Variants in ZZEF1 observed in about 807,000 individuals in gnomAD.
ZZEF1 encodes zinc finger ZZ-type and EF-hand domain containing 1.
ZZEF1 carries 157 observed loss-of-function variants against 342.8 expected under a neutral mutation model. The observed-to-expected ratio is 0.46, with a 90% CI of 0.40 to 0.52. ZZEF1 has a LOEUF of 0.52. Ranked by LOEUF, ZZEF1 falls within the 20% of genes least tolerant of loss-of-function variation. ZZEF1 has a pLI of 0.00. For synonymous variants in ZZEF1, 1,505 were observed against 1,429.1 expected, an observed-to-expected ratio of 1.05 and a Z score of -1.20; for missense variants, 3,480 against 3,725.6, an observed-to-expected ratio of 0.93 and a Z score of 1.72.
chr17:4,094,607 A>G (rs574755086), intron 11 of ZZEF1, among the ~76,000 whole-genome samples: 1 of 152,322 alleles, frequency 6.6e-6, no homozygotes, highest in South Asian at 2.1e-4. Flanking sequence ...ATTCAACAGA[A>G]CAAAATCTGA....
intron 3 of ZZEF1, among the ~76,000 whole-genome samples, chr17:4,116,109 CAGG>C (rs1163462731): frequency 6.6e-6 from 1 of 152,180 alleles, no homozygotes; most frequent in Non-Finnish European, 1.5e-5. Context: ...CATCTGAGGT[CAGG>C]AGTTTAAGAC....
chr17:4,014,267 C>T lies in ZZEF1; in HGVS notation c.8315-79G>A. 6.2e-7 allele frequency: 1 copy of T among 1,610,466 alleles called. No individual in the cohort carries two copies. Among genetic ancestry groups the T allele is most frequent in the Non-Finnish European group, 8.5e-7 (1 of 1,176,860 alleles). The stretch of plus-strand genomic sequence containing the variant: ...AGCAGTGGTGTTGGGTTTCAACATT[C>T]TCCAGTAAGTTCCCTTCTCAATATT... On this transcript the variant is annotated intron_variant, in intron 50 of 54. Coordinates refer to ENST00000381638, the MANE Select transcript of ZZEF1 (RefSeq NM_015113.4). The surrounding 1 kb of genome is among the most constrained non-coding windows in gnomAD (Gnocchi z 4.4).
At chr17:4,033,158 G>A in intron 40 of ZZEF1, 156 bp from the exon 41 acceptor site, 1 of 678,814 alleles carries the variant, frequency 1.5e-6, no homozygotes, top group African/African-American at 1.8e-5. Flanking sequence ...ATAATGGTGA[G>A]TAAAAGAGCA....
At chr17:4,129,057 G>A (rs1023175358) in intron 1 of ZZEF1, among the ~76,000 whole-genome samples, 2 of 152,000 alleles carry the variant, frequency 1.3e-5, no homozygotes, top group Admixed American at 1.3e-4. Context: ...GTGAGCCACC[G>A]CACCCGGCCC....
At chr17:4,080,300 G>A (rs896677920) in intron 18 of ZZEF1, among the ~76,000 whole-genome samples, 3 of 152,060 alleles carry the variant, frequency 2.0e-5, no homozygotes, top group African/African-American at 7.2e-5. Flanking sequence ...ATTAGTCCAC[G>A]AAATTGCTAA....
intron 17 of ZZEF1, among the ~76,000 whole-genome samples, 175 bp downstream of exon 17, chr17:4,082,262 G>A (rs2057737574): frequency 6.6e-6 from 1 of 152,168 alleles, no homozygotes; most frequent in Non-Finnish European, 1.5e-5. Flanking sequence ...AACTGGATTG[G>A]GCTGTCAACA....
At chr17:4,090,510 C>T (rs72827362) in intron 12 of ZZEF1, among the ~76,000 whole-genome samples, 1,824 of 152,322 alleles carry the variant, frequency 0.012, 28 homozygotes, top group Non-Finnish European at 0.017. Context: ...ACATATTTTT[C>T]CCCTGGTTGC....
intron 30 of ZZEF1, 25 bp from the exon 31 acceptor site, chr17:4,059,315 T>A: frequency 2.5e-6 from 4 of 1,586,924 alleles, no homozygotes; most frequent in Non-Finnish European, 3.4e-6. Context: ...AATCACTGAT[T>A]CACTTAATTG....
At chr17:4,048,212 A>G (rs918007543) in intron 37 of ZZEF1, among the ~76,000 whole-genome samples, 4 of 152,226 alleles carry the variant, frequency 2.6e-5, no homozygotes, top group African/African-American at 4.8e-5. Flanking sequence ...TGCCGCCTAC[A>G]GAAGACGTTT....
intron 52 of ZZEF1, among the ~76,000 whole-genome samples, chr17:4,012,275 G>C (rs60814684): frequency 1.3e-5 from 2 of 152,140 alleles, no homozygotes; most frequent in Non-Finnish European, 2.9e-5. Flanking sequence ...ATGAGGACAC[G>C]GGGGTAACAG....
Position 4,142,638 on chromosome 17 carries a change from C to T in ZZEF1, c.258G>A (p.Glu86=), listed in dbSNP as rs756864065. Residue 86 remains glutamate, a synonymous_variant, in exon 1 of 55, where the codon GAG becomes GAA. Transcript: ENST00000381638. ...HRGALFRWLE[E]RLGRGEESVT... is the part of the protein sequence containing the mutation. ...CAGACTCTTCGCCGCGGCCCAGCCG[C>T]TCTTCCAGCCAGCGAAACAACGCGC... is the stretch of plus-strand genomic sequence containing the variant. 3 of 1,606,826 alleles carry T rather than the reference C, an allele frequency of 1.9e-6. No homozygotes were observed. In the African/African-American group the frequency reaches 4.0e-5, roughly 21 times the overall value.
intron 11 of ZZEF1, among the ~76,000 whole-genome samples, chr17:4,093,256 T>C (rs8066707): frequency 0.18 from 27,511 of 152,112 alleles, 2,601 homozygotes; most frequent in African/African-American, 0.23. Context: ...TCATCTCTAG[T>C]TATTACTTTA....
chr17:4,038,962 A>G (rs1328857360), intron 39 of ZZEF1, among the ~76,000 whole-genome samples: 1 of 152,154 alleles, frequency 6.6e-6, no homozygotes, highest in African/African-American at 2.4e-5. Context: ...AGAGTTCTTT[A>G]TATATTCCTT....
chr17:4,017,719 T>C lies in ZZEF1; in HGVS notation c.7653A>G (p.Ala2551=), dbSNP rs750015231. Residue 2551 remains alanine, a synonymous_variant, in exon 48 of 55, where the codon GCA becomes GCG. Transcript: ENST00000381638. This position sits in a 1 kb window ranked among gnomAD's most constrained non-coding sequence, Gnocchi z 5.1. ...ATTCAGCAGTGGCTTGGTCACAGCG[T>C]GCAGGCCGGGACTGCAAACCCAAGA... is the stretch of plus-strand genomic sequence containing the variant. ...MIILPCLSRP[A]RCDQATAESN... 7 of 1,612,586 alleles carry C rather than the reference T, an allele frequency of 4.3e-6. No individual in the cohort carries two copies. Among genetic ancestry groups the C allele is most frequent in the Non-Finnish European group, 3.4e-6 (4 of 1,179,476 alleles).
At chr17:4,123,746 G>A (rs2058528375) in intron 2 of ZZEF1, among the ~76,000 whole-genome samples, 161 bp downstream of exon 2, 1 of 152,078 alleles carries the variant, frequency 6.6e-6, no homozygotes, top group African/African-American at 2.4e-5. Flanking sequence ...ACCGTACTGG[G>A]GATGAAAGAG....
intron 9 of ZZEF1, among the ~76,000 whole-genome samples, chr17:4,101,581 A>G (rs2058127373): frequency 6.6e-6 from 1 of 152,182 alleles, no homozygotes; most frequent in South Asian, 2.1e-4. Context: ...GGCTTCCTCT[A>G]GACACGCAAA....
rs1445818806 is a variant in ZZEF1, at chr17:4,142,682, G to T, written c.214C>A (p.Leu72Met). Residue 72 changes from leucine to methionine, a missense_variant, in exon 1 of 55, where the codon CTG becomes ATG. By Grantham distance (15) the Leu-to-Met change is conservative (BLOSUM62 2). This residue lies in a region of ZZEF1 where 416 missense variants were observed against 374.2 expected (regional missense o/e 1.11). Coordinates refer to ENST00000381638, the MANE Select transcript of ZZEF1 (RefSeq NM_015113.4). ...ALLPTPPCESLVSRHRGALFR... is the reference protein window; with the variant it reads ...ALLPTPPCESMVSRHRGALFR... Reference sequence around the variant, plus strand: ...AACGCGCCGCGATGCCTCGACACCAGCGACTCGCAGGGGGGTGTGGGCAGC... The same window carrying T: ...AACGCGCCGCGATGCCTCGACACCATCGACTCGCAGGGGGGTGTGGGCAGC... 1.9e-6 allele frequency: 3 copies of T among 1,606,566 alleles called. No homozygotes were observed. The Admixed American group carries it at 5.0e-5, about 27-fold the overall frequency.
Position 4,095,972 on chromosome 17 carries a change from C to T in ZZEF1, c.1772G>A (p.Arg591His), listed in dbSNP as rs1456693233. The change falls in exon 11 of 55, where the codon CGT becomes CAT. Residue 591 changes from arginine (R) to histidine (H), a missense_variant. Physicochemically the swap from Arg to His is conservative, Grantham distance 29. Coordinates refer to ENST00000381638, the MANE Select transcript of ZZEF1 (RefSeq NM_015113.4). ...CCCACACTGGGCACCAATGCCACCA[C>T]GTCGAACCTGGAAACAGAGATTAGG... Reference protein sequence around the residue: ...QVTQIRIMVRRGGIGAQCGLV... With the variant: ...QVTQIRIMVRHGGIGAQCGLV... 7.5e-6 allele frequency: 12 copies of T among 1,608,262 alleles called. No individual in the cohort carries two copies. The highest frequency in any genetic ancestry group is 1.7e-5 in the Admixed American group (1 of 59,246).
chr17:4,102,522 T>C, intron 8 of ZZEF1, 107 bp from the exon 9 acceptor site: 1 of 899,634 alleles, frequency 1.1e-6, no homozygotes, highest in Non-Finnish European at 1.8e-6. Context: ...GACTGCTAAC[T>C]AAAAATCTCC....
Sources: allele counts gnomAD v4.1 joint callset (sites outside exome capture counted in the v4.1 genomes callset), GRCh38; gene constraint gnomAD v4.1.1; regional missense constraint gnomAD v4.1.1; non-coding constraint Gnocchi (gnomAD v3.1); transcripts MANE v1.5; gene names NCBI Gene and HGNC (gene_info 2026-07-23, HGNC 2026-07-21).